COL6A6: variants seen among roughly 807,000 people sequenced by gnomAD.
COL6A6 encodes the protein collagen type VI alpha 6 chain, also known as collagen alpha-6(VI) chain.
A neutral mutation model predicts 208.6 loss-of-function variants in COL6A6; 183 were observed. That is an observed-to-expected ratio of 0.88 (90% CI 0.78 to 0.99). The LOEUF is 0.99. Among genes scored for constraint, COL6A6 ranks in the 50% least tolerant of loss-of-function variants. The probability of loss-of-function intolerance (pLI) is 0.00; values close to 1 mark genes in which losing one functional copy is unlikely to be tolerated. For synonymous variants in COL6A6, 973 were observed against 1,011.8 expected, an observed-to-expected ratio of 0.96 and a Z score of 0.73; for missense variants, 2,816 against 2,815.2, an observed-to-expected ratio of 1.00 and a Z score of -0.01.
intron 20 of COL6A6, 105 bp from the exon 21 acceptor site, chr3:130,606,826 A>C: frequency 1.3e-6 from 1 of 772,880 alleles, no homozygotes; most frequent in Non-Finnish European, 2.1e-6. Flanking sequence ...ACTATGTGGG[A>C]ATTGTTATGT....
At chr3:130,665,300 T>A (rs1168172902) in intron 36 of COL6A6, among the ~76,000 whole-genome samples, 2 of 152,208 alleles carry the variant, frequency 1.3e-5, no homozygotes, top group Non-Finnish European at 2.9e-5. Context: ...AATTGCTTTT[T>A]TTTTTAATGG....
chr3:130,677,017 T>C lies in COL6A6; in HGVS notation c.*1620T>C, dbSNP rs1174726747. 1.3e-5 allele frequency: 2 copies of C among 152,260 alleles called. No homozygotes were observed. The highest frequency in any genetic ancestry group is 2.4e-5 in the African/African-American group (1 of 41,480). The allele number at this position is 152,260 out of a possible 1,614,324, so 9.4% of individuals were successfully genotyped here. ...AGATGTATTTGTCTGTTTTTCTGCA[T>C]TGGCAAGTAAAGAACATAAAACAAA... On this transcript the variant is annotated 3_prime_UTR_variant, in exon 37 of 37. Coordinates refer to ENST00000358511, the MANE Select transcript of COL6A6 (RefSeq NM_001102608.3).
chr3:130,591,177 C>A, intron 13 of COL6A6, 83 bp downstream of exon 13: 1 of 974,682 alleles, frequency 1.0e-6, no homozygotes, highest in Non-Finnish European at 1.6e-6. Flanking sequence ...CAGGGGGAAG[C>A]AAGAAAGGTG....
In COL6A6 at chr3:130,675,119, T is replaced by G. The variant is rs1576441719; in HGVS notation, c.6597-83T>G. 6 of 897,396 alleles carry G rather than the reference T, an allele frequency of 6.7e-6. No individual in the cohort carries two copies. In the East Asian group the frequency reaches 1.7e-4, roughly 26 times the overall value. 55.6% of individuals were successfully genotyped at this position (897,396 alleles called of 1,614,324 possible). A position where few individuals can be genotyped will look rare whatever the true frequency, so the allele number is the denominator to read the frequency against. On this transcript the variant is annotated intron_variant, in intron 36 of 36. Transcript: ENST00000358511. ...GCAACAAGGAAATGGGTGAAACAAT[T>G]AATTTACTATGACAGATTAATATGT... is the stretch of plus-strand genomic sequence containing the variant.
chr3:130,634,673 G>A, intron 27 of COL6A6, 48 bp downstream of exon 27: 2 of 1,440,644 alleles, frequency 1.4e-6, no homozygotes, highest in Admixed American at 1.8e-5. Context: ...AATACTCCTG[G>A]GGTTTATGAA....
At chr3:130,557,576 C>T (rs2062794669) in intron 1 of COL6A6, among the ~76,000 whole-genome samples, 1 of 152,132 alleles carries the variant, frequency 6.6e-6, no homozygotes, top group African/African-American at 2.4e-5. Context: ...TACAGTAAAA[C>T]AGTGATAATC....
intron 28 of COL6A6, among the ~76,000 whole-genome samples, chr3:130,637,319 TAAG>T (rs900287477): frequency 3.3e-5 from 5 of 150,488 alleles, no homozygotes; most frequent in African/African-American, 1.2e-4. Flanking sequence ...GCTTATTAAT[TAAG>T]AAGTTTAACC....
chr3:130,653,409 T>G (rs996448265), intron 33 of COL6A6, among the ~76,000 whole-genome samples: 3 of 152,186 alleles, frequency 2.0e-5, no homozygotes, highest in African/African-American at 7.2e-5. Context: ...CCTTTTTATT[T>G]TGAAGATAAT....
chr3:130,566,027 A>G (rs1414257206), intron 4 of COL6A6, among the ~76,000 whole-genome samples: 1 of 152,174 alleles, frequency 6.6e-6, no homozygotes, highest in Non-Finnish European at 1.5e-5. Flanking sequence ...TTAGAGAATA[A>G]ACAGGAGTGT....
chr3:130,591,790 G>A (rs2063721726), intron 13 of COL6A6, among the ~76,000 whole-genome samples: 1 of 152,294 alleles, frequency 6.6e-6, no homozygotes, highest in South Asian at 2.1e-4. Flanking sequence ...AAGGAGTGTG[G>A]CAGAACAACT....
chr3:130,675,058 C>A (rs2066324778), intron 36 of COL6A6, 144 bp from the exon 37 acceptor site: 1 of 533,896 alleles, frequency 1.9e-6, no homozygotes, highest in East Asian at 3.0e-5. Flanking sequence ...AGTTTAAGTA[C>A]CCAGTTTAAT....
intron 1 of COL6A6, among the ~76,000 whole-genome samples, chr3:130,547,132 A>G (rs2062527436): frequency 6.6e-6 from 1 of 152,162 alleles, no homozygotes; most frequent in East Asian, 1.9e-4. Flanking sequence ...CCCATCTGGG[A>G]GGTTTGGGCC....
intron 1 of COL6A6, among the ~76,000 whole-genome samples, chr3:130,538,636 C>T (rs2062280853): frequency 6.6e-6 from 1 of 152,170 alleles, no homozygotes; most frequent in African/African-American, 2.4e-5. Context: ...CCTAGTCATG[C>T]AGTTTGTGGG....
intron 17 of COL6A6, among the ~76,000 whole-genome samples, chr3:130,594,057 T>A (rs1165582129): frequency 6.6e-6 from 1 of 152,220 alleles, no homozygotes; most frequent in African/African-American, 2.4e-5. Flanking sequence ...GACAAGTGTG[T>A]CTGGAACACA....
In COL6A6 at chr3:130,567,056, A is replaced by G. The variant is rs1275650345; in HGVS notation, c.1637A>G (p.Asn546Ser). The G allele has an allele frequency of 6.2e-7, 1 of 1,614,052 alleles. No homozygotes were observed. The highest frequency in any genetic ancestry group is 8.5e-7 in the Non-Finnish European group (1 of 1,179,894). The change falls in exon 5 of 37, where the codon AAT becomes AGT. Residue 546 changes from asparagine to serine, a missense_variant. Asn to Ser is a conservative substitution (Grantham distance 46). Transcript: ENST00000358511. ...CCATGCCACCTTGTTGTCCTGACAA[A>G]TGGCATGTCCAAGGATAGCATCTTG... ...KVPCHLVVLT[N>S]GMSKDSILEP...
chr3:130,660,709 A>G (rs1457113639), intron 34 of COL6A6, among the ~76,000 whole-genome samples: 1 of 152,208 alleles, frequency 6.6e-6, no homozygotes, highest in East Asian at 1.9e-4. Context: ...ACAGCTTGTT[A>G]CTGAAACGAG....
intron 4 of COL6A6, 93 bp from the exon 5 acceptor site, chr3:130,566,609 G>T: frequency 9.5e-7 from 1 of 1,054,042 alleles, no homozygotes. Flanking sequence ...TTTTCTGTCT[G>T]AAGAGGTTCA....
chr3:130,655,064 G>C (rs1051211399), intron 33 of COL6A6, among the ~76,000 whole-genome samples: 1 of 152,160 alleles, frequency 6.6e-6, no homozygotes, highest in African/African-American at 2.4e-5. Flanking sequence ...TTCTACAGTA[G>C]TGATGTTATC....
In COL6A6 at chr3:130,563,433, G is replaced by T; in HGVS notation, c.430G>T (p.Glu144Ter). The T allele has an allele frequency of 1.2e-6, 2 of 1,614,024 alleles. No homozygotes were observed. The highest frequency in any genetic ancestry group is 1.7e-6 in the Non-Finnish European group (2 of 1,179,898). ...ILVVLASSES[E>*]DNVEEASKAL... ...AGTGGTCCTGGCTTCATCTGAGTCTGAGGATAATGTGGAAGAGGCATCAAA... is the reference window on the plus strand; with the variant it reads ...AGTGGTCCTGGCTTCATCTGAGTCTTAGGATAATGTGGAAGAGGCATCAAA... Residue 144 changes from glutamate to a stop codon, truncating the protein, a stop_gained, in exon 3 of 37, where the codon GAG becomes TAG. Coordinates refer to ENST00000358511, the MANE Select transcript of COL6A6 (RefSeq NM_001102608.3). LOFTEE classifies it high-confidence loss of function.
Sources: allele counts gnomAD v4.1 joint callset (sites outside exome capture counted in the v4.1 genomes callset), GRCh38; gene constraint gnomAD v4.1.1; transcripts MANE v1.5; gene names NCBI Gene and HGNC (gene_info 2026-07-23, HGNC 2026-07-21).